Variants in NFIC observed in about 807,000 individuals in gnomAD.
NFIC encodes the protein nuclear factor I C.
NFIC carries 12 observed loss-of-function variants against 54.4 expected under a neutral mutation model. The ratio of observed to expected loss-of-function variants is 0.22; its 90% CI spans 0.14 to 0.36. The LOEUF is 0.36. Among genes scored for constraint, NFIC ranks in the 10% least tolerant of loss-of-function variants. The pLI is 1.00. For missense variants in NFIC, 575 were observed against 718.2 expected (o/e 0.80, Z 2.28); for synonymous variants, 322 against 319.2 (o/e 1.01, Z -0.09).
chr19:3,382,110 G>C lies in NFIC; in HGVS notation c.429G>C (p.Leu143=). 1 of 1,613,358 alleles carries C rather than the reference G, an allele frequency of 6.2e-7. No homozygotes were observed. The highest frequency in any genetic ancestry group is 8.5e-7 in the Non-Finnish European group (1 of 1,179,954). The change falls in exon 2 of 11, where the codon CTG becomes CTC. Residue 143 remains leucine (L), a synonymous_variant. Coordinates refer to ENST00000443272, the MANE Select transcript of NFIC (RefSeq NM_001245002.2). ...TCATCCTGTTCAAGGGCATCCCGCT[G>C]GAGAGCACCGACGGCGAGCGCCTGG... ...VMVILFKGIP[L]ESTDGERLVK...
In NFIC at chr19:3,453,926, C is replaced by A; in HGVS notation, c.1423+10C>A. ...TCGCCGACCTCGCCTTGTAAGCACG[C>A]GGGAAGCGGTGCCCTGGTGGGGCGG... On this transcript the variant is annotated intron_variant, in intron 9 of 10. Coordinates refer to ENST00000443272, the MANE Select transcript of NFIC (RefSeq NM_001245002.2). This position sits in a 1 kb window ranked among gnomAD's most constrained non-coding sequence, Gnocchi z 6.7. 1 of 1,521,994 alleles carries A rather than the reference C, an allele frequency of 6.6e-7. No individual in the cohort carries two copies. Among genetic ancestry groups the A allele is most frequent in the South Asian group, 1.2e-5 (1 of 81,284 alleles). The allele number at this position is 1,521,994 out of a possible 1,614,324, so 94.3% of individuals were successfully genotyped here.
Position 3,462,792 on chromosome 19 carries a change from C to A in NFIC, c.*23C>A. The A allele has an allele frequency of 6.2e-7, 1 of 1,613,942 alleles. No individual in the cohort carries two copies. The highest frequency in any genetic ancestry group is 8.5e-7 in the Non-Finnish European group (1 of 1,179,992). On this transcript the variant is annotated 3_prime_UTR_variant, in exon 11 of 11. Transcript: ENST00000443272. The stretch of plus-strand genomic sequence containing the variant: ...TAGCAAAGGTCTTCTTCCCTCGCCC[C>A]TTCTCCATCGTCCCAGGAATCCCAG...
intron 6 of NFIC, 78 bp from the exon 7 acceptor site, chr19:3,448,936 G>A (rs182096381): frequency 3.7e-5 from 57 of 1,523,394 alleles, no homozygotes; most frequent in Admixed American, 2.9e-4. Context: ...CTATCCCTTC[G>A]GAGGCTGGCT....
In NFIC at chr19:3,455,286, G is replaced by A. The variant is rs146968254; in HGVS notation, c.1424-1264G>A. On this transcript the variant is annotated intron_variant, in intron 9 of 10. Coordinates refer to ENST00000443272, the MANE Select transcript of NFIC (RefSeq NM_001245002.2). ...AGACACTTAATAAATGCAGGATACT[G>A]CGTGGGATCCACTCAGGGCTCGATG... Among the ~76,000 whole-genome samples the A allele has an allele frequency of 1.5e-4, 23 of 152,274 alleles. No homozygotes were observed. The East Asian group carries it at 4.5e-3, about 29-fold the overall frequency.
chr19:3,397,381 CT>C (rs1353954276), intron 2 of NFIC, among the ~76,000 whole-genome samples: 5 of 152,200 alleles, frequency 3.3e-5, no homozygotes, highest in Non-Finnish European at 7.3e-5. Flanking sequence ...GCCTACAGGG[CT>C]TTGGTGCCGG....
Position 3,433,504 on chromosome 19 carries a change from T to A in NFIC, c.635-14T>A. On this transcript the variant is annotated splice_polypyrimidine_tract_variant and intron_variant, in intron 3 of 10. Transcript: ENST00000443272. ...CCAGCTCAGCCTACTGACCCCGCTG[T>A]CTTCCTGTTCCAGACACGACCGACT... The A allele has an allele frequency of 6.2e-7, 1 of 1,613,362 alleles. No individual in the cohort carries two copies. The highest frequency in any genetic ancestry group is 8.5e-7 in the Non-Finnish European group (1 of 1,179,542).
chr19:3,402,482 A>G (rs944609518), intron 2 of NFIC, among the ~76,000 whole-genome samples: 2 of 152,206 alleles, frequency 1.3e-5, no homozygotes, highest in Non-Finnish European at 2.9e-5. Context: ...AGTCTGTATC[A>G]GGCCTTATTC....
Position 3,408,614 on chromosome 19 carries a change from T to TTTTTA in NFIC, c.563-16472_563-16468dup, listed in dbSNP as rs537340414. On this transcript the variant is annotated intron_variant, in intron 2 of 10. Coordinates refer to ENST00000443272, the MANE Select transcript of NFIC (RefSeq NM_001245002.2). Reference sequence around the variant, plus strand: ...AGCACGCACCACCACACCCAGCTAATTTTTATTTTATTTTATTTTATTTTT... The same window carrying TTTTTA: ...AGCACGCACCACCACACCCAGCTAATTTTTATTTTATTTTATTTTATTTTATTTTT... Among the ~76,000 whole-genome samples, 296 of 152,140 alleles carry TTTTTA rather than the reference T, an allele frequency of 1.9e-3. 1 individual carries two copies. The highest frequency in any genetic ancestry group is 3.7e-3 in the Non-Finnish European group (254 of 67,998).
intron 6 of NFIC, 44 bp from the exon 7 acceptor site, chr19:3,448,970 G>C (rs1444154504): frequency 1.3e-6 from 2 of 1,585,324 alleles, no homozygotes; most frequent in African/African-American, 2.7e-5. Context: ...AGGGCTCATG[G>C]GGTGTGACCA....
chr19:3,416,812 C>T lies in NFIC; in HGVS notation c.563-8294C>T, dbSNP rs189965466. On this transcript the variant is annotated intron_variant, in intron 2 of 10. Coordinates refer to ENST00000443272, the MANE Select transcript of NFIC (RefSeq NM_001245002.2). ...CACTGGGATTACAGGCGTGAGCCAC[C>T]GTGCCCATCCTACATTTTTTTAAAA... Among the ~76,000 whole-genome samples the T allele has an allele frequency of 2.7e-3, 402 of 151,648 alleles. 1 individual carries two copies. Among genetic ancestry groups the T allele is most frequent in the African/African-American group, 9.2e-3 (380 of 41,438 alleles).
At chr19:3,420,437 A>G (rs1242680572) in intron 2 of NFIC, among the ~76,000 whole-genome samples, 1 of 152,086 alleles carries the variant, frequency 6.6e-6, no homozygotes, top group Non-Finnish European at 1.5e-5. Context: ...CTGTAATCCC[A>G]GCTACTTGGG....
intron 1 of NFIC, among the ~76,000 whole-genome samples, chr19:3,374,937 C>A (rs1005566985): frequency 1.8e-4 from 27 of 152,260 alleles, no homozygotes; most frequent in Admixed American, 1.6e-3. Context: ...TGTAACTAGC[C>A]GGGGTCACCA....
At chr19:3,446,353 G>A (rs1030179419) in intron 6 of NFIC, among the ~76,000 whole-genome samples, 4 of 152,004 alleles carry the variant, frequency 2.6e-5, no homozygotes, top group African/African-American at 9.7e-5. Flanking sequence ...GGGTACTTTT[G>A]GTGATGTCTG....
chr19:3,366,346 G>A (rs1044781969), upstream of NFIC, among the ~76,000 whole-genome samples: 2 of 151,154 alleles, frequency 1.3e-5, no homozygotes, highest in South Asian at 2.1e-4. Flanking sequence ...GGAGGTTCGG[G>A]GTGGGAGGGG....
At chr19:3,419,440 C>T (rs2081918522) in intron 2 of NFIC, among the ~76,000 whole-genome samples, 1 of 151,878 alleles carries the variant, frequency 6.6e-6, no homozygotes, top group Non-Finnish European at 1.5e-5. Flanking sequence ...TGCCACTGCA[C>T]TGCAGCCTGG....
chr19:3,435,353 G>T, intron 6 of NFIC, 146 bp downstream of exon 6: 3 of 1,224,392 alleles, frequency 2.5e-6, no homozygotes, highest in Non-Finnish European at 3.3e-6. Context: ...TAGTCGTCCC[G>T]AGCTGCGCTT....
chr19:3,443,025 C>T (rs986426900), intron 6 of NFIC, among the ~76,000 whole-genome samples: 4 of 152,178 alleles, frequency 2.6e-5, no homozygotes, highest in Admixed American at 2.0e-4. Flanking sequence ...TGGAGTGGGT[C>T]GAGGCCAGGG....
chr19:3,411,654 C>T (rs1180388440), intron 2 of NFIC, among the ~76,000 whole-genome samples: 2 of 152,078 alleles, frequency 1.3e-5, no homozygotes, highest in Non-Finnish European at 2.9e-5. Context: ...AAAAGTCCTA[C>T]GTTGTCCTGA....
chr19:3,450,222 G>A (rs1411961968), intron 7 of NFIC, among the ~76,000 whole-genome samples: 2 of 152,050 alleles, frequency 1.3e-5, no homozygotes, highest in Admixed American at 6.6e-5. Context: ...GCAGGCGCCT[G>A]TAGTCCCAGC....
Sources: gnomAD v4.1 joint callset for allele counts (sites outside exome capture counted in the v4.1 genomes callset) on GRCh38, gnomAD v4.1.1 for gene constraint, Gnocchi (gnomAD v3.1) non-coding constraint, MANE v1.5 for transcripts, NCBI Gene and HGNC (gene_info 2026-07-23, HGNC 2026-07-21) for gene names.